Variants in VPS13B observed in about 807,000 individuals in gnomAD.
The protein encoded by VPS13B is intermembrane lipid transfer protein VPS13B.
A neutral mutation model predicts 426.4 loss-of-function variants in VPS13B; 285 were observed. That is an observed-to-expected ratio of 0.67 (90% CI 0.61 to 0.74). The LOEUF is 0.74. Among genes scored for constraint, VPS13B ranks in the 30% least tolerant of loss-of-function variants. The pLI is 0.00. For missense variants in VPS13B, 4,537 were observed against 4,782.6 expected (o/e 0.95, Z 1.51); for synonymous variants, 1,676 against 1,676.4 (o/e 1.00, Z 0.01).
At chr8:99,762,521 G>A (rs1810983064) in intron 39 of VPS13B, among the ~76,000 whole-genome samples, 1 of 152,154 alleles carries the variant, frequency 6.6e-6, no homozygotes, top group Admixed American at 6.5e-5. Context: ...CAGGTATGTA[G>A]CAGAAAATAA....
rs530524337 is a variant in VPS13B, at chr8:99,156,063, C to T, written c.2014-486C>T. Among the ~76,000 whole-genome samples, 9 of 152,198 alleles carry T rather than the reference C, an allele frequency of 5.9e-5. No homozygotes were observed. In the East Asian group the frequency reaches 9.6e-4, roughly 16 times the overall value. The stretch of plus-strand genomic sequence containing the variant: ...TTAACATGTGTATTGTTAGTAGATA[C>T]GATACAGATAAGGAATTTTTCTTAC... On this transcript the variant is annotated intron_variant, in intron 14 of 61. Transcript: ENST00000357162.
chr8:99,114,120 GAA>G (rs1847524450), intron 6 of VPS13B, among the ~76,000 whole-genome samples: 1 of 149,038 alleles, frequency 6.7e-6, no homozygotes, highest in Non-Finnish European at 1.5e-5. Context: ...AATTCCTTAG[GAA>G]AGATTTGTAT....
chr8:99,784,456 C>T lies in VPS13B; in HGVS notation c.7921C>T (p.Arg2641Cys), dbSNP rs778373637. ...TCTCCACAGTCACCAGTACAGCTGG[C>T]GCTCTCACAAATCCCCACAGGTATT... is the stretch of plus-strand genomic sequence containing the variant. ...ASLHSHQYSW[R>C]SHKSPQLLHI... The change falls in exon 43 of 62, where the codon CGC becomes TGC. Residue 2641 changes from arginine (R) to cysteine (C), a missense_variant. Around this residue, in one of 2 missense-constraint regions of VPS13B, gnomAD observed 4,311 missense variants for 4,474.3 expected, o/e 0.96. Transcript: ENST00000357162. 1.1e-5 allele frequency: 17 copies of T among 1,613,626 alleles called. No homozygotes were observed. The highest frequency in any genetic ancestry group is 1.1e-5 in the South Asian group (1 of 91,076).
At chr8:99,158,293 TG>T (rs1811466413) in intron 15 of VPS13B, among the ~76,000 whole-genome samples, 1 of 152,102 alleles carries the variant, frequency 6.6e-6, no homozygotes, top group Non-Finnish European at 1.5e-5. Context: ...CCAGCTCTTT[TG>T]GAGGCTGAGG....
At chr8:99,514,559 T>C (rs1385876406) in intron 29 of VPS13B, among the ~76,000 whole-genome samples, 1 of 152,230 alleles carries the variant, frequency 6.6e-6, no homozygotes, top group African/African-American at 2.4e-5. Context: ...TCTGTCTTAC[T>C]TTACTTAGCA....
intron 59 of VPS13B, 136 bp from the exon 60 acceptor site, chr8:99,870,649 C>G: frequency 1.3e-6 from 1 of 754,876 alleles, no homozygotes; most frequent in Non-Finnish European, 2.3e-6. Flanking sequence ...ATTATCTATA[C>G]GCTTGCTTCC....
intron 21 of VPS13B, among the ~76,000 whole-genome samples, chr8:99,424,695 G>A (rs1464525568): frequency 6.6e-6 from 1 of 152,102 alleles, no homozygotes; most frequent in Non-Finnish European, 1.5e-5. Context: ...TAGAAGGCAA[G>A]AAATAACTAA....
chr8:99,830,211 C>T (rs1331204415), intron 51 of VPS13B, among the ~76,000 whole-genome samples: 1 of 152,172 alleles, frequency 6.6e-6, no homozygotes, highest in Non-Finnish European at 1.5e-5. Flanking sequence ...CTGCCCCTTC[C>T]CCCAGGTGCT....
intron 19 of VPS13B, among the ~76,000 whole-genome samples, chr8:99,318,729 G>A (rs535168435): frequency 6.6e-6 from 1 of 152,066 alleles, no homozygotes; most frequent in South Asian, 2.1e-4. Context: ...CACCATGATG[G>A]CCAGGCTGGT....
intron 14 of VPS13B, among the ~76,000 whole-genome samples, chr8:99,155,869 G>A (rs1800165701): frequency 1.3e-5 from 2 of 152,166 alleles, no homozygotes; most frequent in Admixed American, 6.5e-5. Context: ...CACAGGTAGA[G>A]CATTTTAAGG....
chr8:99,480,516 A>C (rs1039448), intron 24 of VPS13B, among the ~76,000 whole-genome samples: 2 of 151,950 alleles, frequency 1.3e-5, no homozygotes, highest in South Asian at 2.1e-4. Context: ...TTGCAACAAA[A>C]TTGTTTCTCT....
intron 19 of VPS13B, among the ~76,000 whole-genome samples, chr8:99,312,329 T>G (rs1000564927): frequency 2.0e-5 from 3 of 152,190 alleles, no homozygotes; most frequent in East Asian, 1.9e-4. Flanking sequence ...TCCATGTTTA[T>G]TGCTTCCTTC....
chr8:99,432,299 G>A (rs1248850410), intron 22 of VPS13B, among the ~76,000 whole-genome samples: 3 of 152,006 alleles, frequency 2.0e-5, no homozygotes, highest in Admixed American at 2.0e-4. Flanking sequence ...AATTTTGTAT[G>A]TACCAGAGTG....
At chr8:99,556,298 A>G in intron 30 of VPS13B, 152 bp from the exon 31 acceptor site, 1 of 793,490 alleles carries the variant, frequency 1.3e-6, no homozygotes, top group Admixed American at 2.3e-5. Flanking sequence ...TAACTTTCTG[A>G]AACCTTTTTC....
chr8:99,228,723 G>C (rs969646409), intron 17 of VPS13B, among the ~76,000 whole-genome samples: 2 of 152,038 alleles, frequency 1.3e-5, no homozygotes, highest in African/African-American at 2.4e-5. Flanking sequence ...TGAGGCACTG[G>C]GGTTTTTAAT....
chr8:99,470,015 T>A (rs1279479955), intron 24 of VPS13B, among the ~76,000 whole-genome samples: 5 of 152,138 alleles, frequency 3.3e-5, no homozygotes, highest in Non-Finnish European at 5.9e-5. Flanking sequence ...ATCTCAGAGG[T>A]TGCATGGCCC....
intron 56 of VPS13B, 54 bp from the exon 57 acceptor site, chr8:99,859,250 T>C: frequency 1.9e-6 from 3 of 1,606,292 alleles, no homozygotes. Flanking sequence ...TTCACAAATG[T>C]TGAAAGTTCT....
intron 21 of VPS13B, among the ~76,000 whole-genome samples, chr8:99,409,916 A>G (rs1421108325): frequency 1.3e-5 from 2 of 152,140 alleles, no homozygotes; most frequent in Non-Finnish European, 2.9e-5. Flanking sequence ...TCACTTCATA[A>G]CTCAGGAATG....
At chr8:99,861,052 T>C (rs1816806843) in intron 57 of VPS13B, among the ~76,000 whole-genome samples, 1 of 152,244 alleles carries the variant, frequency 6.6e-6, no homozygotes, top group Non-Finnish European at 1.5e-5. Flanking sequence ...TTCTTTATAA[T>C]CTTTCTAAAA....
Sources: gnomAD v4.1 joint callset for allele counts (sites outside exome capture counted in the v4.1 genomes callset) on GRCh38, gnomAD v4.1.1 for gene constraint, gnomAD v4.1.1 regional missense constraint, MANE v1.5 for transcripts, NCBI Gene and HGNC (gene_info 2026-07-23, HGNC 2026-07-21) for gene names.